The following PKHD1 variants were observed in gnomAD, a reference collection of about 807,000 sequenced individuals.
The protein encoded by PKHD1 is fibrocystin.
In PKHD1, 291 loss-of-function variants were observed where a neutral mutation model predicts 412.0. The ratio of observed to expected loss-of-function variants is 0.71; its 90% CI spans 0.64 to 0.78. PKHD1 has a LOEUF of 0.78. Among genes scored for constraint, PKHD1 ranks in the 30% least tolerant of loss-of-function variants. The pLI is 0.00. For missense variants in PKHD1, 4,825 were observed against 4,950.7 expected, an observed-to-expected ratio of 0.97 and a Z score of 0.76; for synonymous variants, 1,777 against 1,821.5, an observed-to-expected ratio of 0.98 and a Z score of 0.62.
intron 60 of PKHD1, among the ~76,000 whole-genome samples, chr6:51,724,272 A>G (rs76965934): frequency 2.6e-3 from 395 of 152,250 alleles, no homozygotes; most frequent in African/African-American, 6.8e-3. Context: ...TCAGTGTTCA[A>G]AGGGAGTGAT....
Position 51,885,868 on chromosome 6 carries a change from T to C in PKHD1, c.7214A>G (p.Gln2405Arg). Residue 2405 changes from glutamine to arginine, a missense_variant and splice_region_variant, in exon 45 of 67, where the codon CAG (glutamine) becomes CGG (arginine). Transcript: ENST00000371117. ...AACAACAACAACAAAAAAGCTTACC[T>C]GGGCACCACCTGCACTTTCCCAAAC... ...FTVWESAGGAQIFRSSNLRLK... is the reference protein window; with the variant it reads ...FTVWESAGGARIFRSSNLRLK... 2 of 1,596,550 alleles carry C rather than the reference T, an allele frequency of 1.3e-6. No homozygotes were observed. Among genetic ancestry groups the C allele is most frequent in the South Asian group, 2.2e-5 (2 of 90,264 alleles).
At chr6:51,747,030 A>G (rs1785284878) in intron 58 of PKHD1, 141 bp from the exon 59 acceptor site, 3 of 600,878 alleles carry the variant, frequency 5.0e-6, no homozygotes, top group Non-Finnish European at 8.7e-6. Context: ...AGGAGTTTAC[A>G]TACATCTTGA....
intron 58 of PKHD1, among the ~76,000 whole-genome samples, chr6:51,747,567 A>T (rs1785367876): frequency 6.6e-6 from 1 of 152,168 alleles, no homozygotes; most frequent in Admixed American, 6.5e-5. Flanking sequence ...AAATTTTATT[A>T]AAAAATAATA....
chr6:51,906,090 C>T lies in PKHD1; in HGVS notation c.6808+125G>A, dbSNP rs148219735. On this transcript the variant is annotated intron_variant, in intron 41 of 66. Coordinates refer to ENST00000371117, the MANE Select transcript of PKHD1 (RefSeq NM_138694.4). ...TAAATTTAGAATGTTTTACTGTAGCCCATTTCTAGTGATCATAAAGCCAAT... is the reference window on the plus strand; with the variant it reads ...TAAATTTAGAATGTTTTACTGTAGCTCATTTCTAGTGATCATAAAGCCAAT... The T allele has an allele frequency of 7.7e-4, 610 of 794,552 alleles. 5 individuals carry two copies. The African/African-American group carries it at 9.0e-3, about 12-fold the overall frequency. 49.2% of individuals were successfully genotyped at this position (794,552 alleles called of 1,614,324 possible). A position where few individuals can be genotyped will look rare whatever the true frequency, so the allele number is the denominator to read the frequency against.
At chr6:51,937,144 C>G (rs1787631652) in intron 36 of PKHD1, among the ~76,000 whole-genome samples, 1 of 152,196 alleles carries the variant, frequency 6.6e-6, no homozygotes, top group South Asian at 2.1e-4. Context: ...TCTGTTGATT[C>G]CAGGTCTTTA....
chr6:52,001,900 G>A (rs1798447557), intron 35 of PKHD1, among the ~76,000 whole-genome samples: 1 of 152,162 alleles, frequency 6.6e-6, no homozygotes. Context: ...AATTTACAGA[G>A]TACTCACAGA....
At position 51,807,481 on chromosome 6, in the gene PKHD1, GTA is replaced by G. The variant is rs1295167915; in HGVS notation, c.8303-16110_8303-16109del. ...AAAATATATATATATATATATATAT[GTA>G]TATGTGTGTGTGTGTGTGTGTGTGT... On this transcript the variant is annotated intron_variant, in intron 52 of 66. Transcript: ENST00000371117. 4.8e-3 allele frequency among the ~76,000 whole-genome samples: 270 copies of G among 55,792 alleles called. 1 individual carries two copies. The highest frequency in any genetic ancestry group is 9.8e-3 in the Middle Eastern group (1 of 102). The allele number at this position is 55,792 out of a possible 152,430, so 36.6% of individuals were successfully genotyped here.
chr6:51,891,112 G>T (rs1195570215), intron 43 of PKHD1, among the ~76,000 whole-genome samples: 1 of 152,122 alleles, frequency 6.6e-6, no homozygotes, highest in Non-Finnish European at 1.5e-5. Context: ...TTGAGAGTGA[G>T]GACTCCATAC....
intron 60 of PKHD1, among the ~76,000 whole-genome samples, chr6:51,669,297 T>G (rs1159605931): frequency 1.3e-5 from 2 of 152,242 alleles, no homozygotes; most frequent in Non-Finnish European, 2.9e-5. Flanking sequence ...GTCGAGGAAT[T>G]TATCCATTTC....
rs112828815 is a variant in PKHD1 at position 52,049,767 on chromosome 6, G to A, written c.2279+390C>T. On this transcript the variant is annotated intron_variant, in intron 22 of 66. Transcript: ENST00000371117. Reference sequence around the variant, plus strand: ...GGATTTCAACAAGATTAACACATGAGGAATGCAATGAAAAGAACAACAACA... The same window carrying A: ...GGATTTCAACAAGATTAACACATGAAGAATGCAATGAAAAGAACAACAACA... 4.6e-3 allele frequency among the ~76,000 whole-genome samples: 702 copies of A among 152,232 alleles called. 6 individuals are homozygous for A. Among genetic ancestry groups the A allele is most frequent in the African/African-American group, 0.016 (656 of 41,536 alleles).
Position 51,916,171 on chromosome 6 carries a change from C to T in PKHD1, c.6122-3595G>A, listed in dbSNP as rs185698091. Among the ~76,000 whole-genome samples the T allele has an allele frequency of 1.6e-4, 24 of 152,206 alleles. No homozygotes were observed. In the East Asian group the frequency reaches 1.7e-3, roughly 11 times the overall value. On this transcript the variant is annotated intron_variant, in intron 37 of 66. Coordinates refer to ENST00000371117, the MANE Select transcript of PKHD1 (RefSeq NM_138694.4). Reference sequence around the variant, plus strand: ...GCACAATTCCTAACACAGCACTGGACGCATAATTAACATTCAATTCATAGT... The same window carrying T: ...GCACAATTCCTAACACAGCACTGGATGCATAATTAACATTCAATTCATAGT...
chr6:51,893,422 A>G (rs1463220902), intron 43 of PKHD1, among the ~76,000 whole-genome samples: 1 of 152,200 alleles, frequency 6.6e-6, no homozygotes, highest in Non-Finnish European at 1.5e-5. Flanking sequence ...ATAGGTGGGC[A>G]GGAGACTGCA....
In PKHD1 at chr6:51,911,498, C is replaced by A. The variant is rs917427565; in HGVS notation, c.6490+301G>T. On this transcript the variant is annotated intron_variant, in intron 39 of 66. Transcript: ENST00000371117. ...GTGGCCTGGAATTTTAACATTGAAC[C>A]CAGAAATGTAATTCAACTCTTCAGA... is the stretch of plus-strand genomic sequence containing the variant. Among the ~76,000 whole-genome samples, 50 of 152,128 alleles carry A rather than the reference C, an allele frequency of 3.3e-4. 2 individuals are homozygous for A. The highest frequency in any genetic ancestry group is 3.3e-4 in the Admixed American group (5 of 15,272).
At chr6:51,857,234 C>T (rs1476019116) in intron 48 of PKHD1, among the ~76,000 whole-genome samples, 1 of 151,486 alleles carries the variant, frequency 6.6e-6, no homozygotes, top group Admixed American at 6.6e-5. Flanking sequence ...AATCAATACA[C>T]ATTATGACTG....
At chr6:52,012,997 A>C (rs116644357) in intron 34 of PKHD1, among the ~76,000 whole-genome samples, 1 of 152,122 alleles carries the variant, frequency 6.6e-6, no homozygotes, top group Admixed American at 6.5e-5. Flanking sequence ...GGTTCATAGA[A>C]TATCTGCCCA....
chr6:52,066,953 C>A (rs1211543283), intron 11 of PKHD1, among the ~76,000 whole-genome samples: 1 of 152,096 alleles, frequency 6.6e-6, no homozygotes, highest in Non-Finnish European at 1.5e-5. Context: ...AGTAATATGA[C>A]ACATAGTCCT....
chr6:51,982,338 G>A (rs1221538016), intron 35 of PKHD1, among the ~76,000 whole-genome samples: 1 of 91,212 alleles, frequency 1.1e-5, no homozygotes, highest in Admixed American at 1.4e-4. Context: ...GATGGGCCAT[G>A]ATGACAATGG....
chr6:52,019,478 A>G (rs1055812405), intron 33 of PKHD1, among the ~76,000 whole-genome samples: 2 of 152,222 alleles, frequency 1.3e-5, no homozygotes, highest in Non-Finnish European at 2.9e-5. Context: ...AAACATAAGA[A>G]CTTTCCAGTT....
chr6:51,949,781 G>A (rs529017193), intron 36 of PKHD1, among the ~76,000 whole-genome samples: 2 of 152,206 alleles, frequency 1.3e-5, no homozygotes, highest in East Asian at 3.9e-4. Flanking sequence ...TAAGGATTGG[G>A]GGCAAAGGGA....
Sources: allele counts gnomAD v4.1 joint callset (sites outside exome capture counted in the v4.1 genomes callset), GRCh38; gene constraint gnomAD v4.1.1; transcripts MANE v1.5; gene names NCBI Gene and HGNC (gene_info 2026-07-23, HGNC 2026-07-21).